Variants in GIMAP2 observed in about 807,000 individuals in gnomAD.
GIMAP2 encodes the protein GTPase IMAP family member 2.
A neutral mutation model predicts 25.5 loss-of-function variants in GIMAP2; 22 were observed. That is an observed-to-expected ratio of 0.86 (90% CI 0.62 to 1.23). The LOEUF is 1.23. Ranked by LOEUF, GIMAP2 falls within the 50% of genes most tolerant of loss-of-function variation. The probability of loss-of-function intolerance (pLI) is 0.00; values close to 1 mark genes in which losing one functional copy is unlikely to be tolerated. For missense variants in GIMAP2, 422 were observed against 395.7 expected (o/e 1.07, Z -0.56); for synonymous variants, 167 against 143.0 (o/e 1.17, Z -1.20).
Position 150,692,647 on chromosome 7 carries a change from C to G in GIMAP2, c.361C>G (p.Gln121Glu). ...GACTCAGCTGGGCCGCTATACCTCA[C>G]AGGACCAGCAGGCTGCACAGAGGGT... ...LVTQLGRYTS[Q>E]DQQAAQRVKE... is the part of the protein sequence containing the mutation. Residue 121 changes from glutamine to glutamate, a missense_variant, in exon 3 of 3, where the codon CAG becomes GAG. Transcript: ENST00000223293. 1 of 1,614,228 alleles carries G rather than the reference C, an allele frequency of 6.2e-7. No individual in the cohort carries two copies. The highest frequency in any genetic ancestry group is 8.5e-7 in the Non-Finnish European group (1 of 1,180,038).
At chr7:150,687,030 T>TTCTTG in intron 1 of GIMAP2, 22 bp from the exon 2 acceptor site, 1 of 1,569,250 alleles carries the variant, frequency 6.4e-7, no homozygotes, top group East Asian at 2.2e-5. Context: ...AAAAATAAGT[T>TTCTTG]TCTTGTCTCT....
chr7:150,689,833 A>T (rs894538351), intron 2 of GIMAP2: 2 of 367,040 alleles, frequency 5.4e-6, no homozygotes, highest in African/African-American at 2.1e-5. Flanking sequence ...AAAACTGGTT[A>T]CTTTTAATGG....
rs1279161012 is a variant in GIMAP2, at chr7:150,692,412, C to G, written c.126C>G (p.Ile42Met). Residue 42 changes from isoleucine to methionine, a missense_variant, in exon 3 of 3, where the codon ATC becomes ATG. Transcript: ENST00000223293. ...GTGKSAAGNS[I>M]LRKQAFESKL... The stretch of plus-strand genomic sequence containing the variant: ...GCAAAAGTGCTGCAGGGAACAGCAT[C>G]CTCAGGAAGCAAGCATTTGAATCGA... 1.2e-6 allele frequency: 2 copies of G among 1,614,078 alleles called. No individual in the cohort carries two copies. The highest frequency in any genetic ancestry group is 2.7e-5 in the African/African-American group (2 of 74,938).
chr7:150,687,292 A>C, intron 2 of GIMAP2: 1 of 348,346 alleles, frequency 2.9e-6, no homozygotes, highest in Non-Finnish European at 5.1e-6. Context: ...GTTTGTTTTG[A>C]GACAGTGTCT....
At position 150,692,958 on chromosome 7, in the gene GIMAP2, GTC is replaced by G; in HGVS notation, c.674_675del (p.Ser225Ter). Reference protein sequence around the residue: ...TNGLYSLIQRSKCGPVGSDER... With the variant: ...TNGLYSLIQRXKCGPVGSDER... ...ATGGGTTGTACAGCCTAATACAGAG[GTC>G]TAAATGTGGACCTGTGGGATCAGAT... is the stretch of plus-strand genomic sequence containing the variant. On this transcript the variant is annotated frameshift_variant, in exon 3 of 3. Transcript: ENST00000223293. LOFTEE classifies it high-confidence loss of function. The G allele has an allele frequency of 1.2e-6, 2 of 1,614,068 alleles. No individual in the cohort carries two copies. Among genetic ancestry groups the G allele is most frequent in the Non-Finnish European group, 1.7e-6 (2 of 1,179,910 alleles).
intron 2 of GIMAP2, among the ~76,000 whole-genome samples, chr7:150,691,401 C>A (rs1351980071): frequency 6.6e-6 from 1 of 152,188 alleles, no homozygotes; most frequent in Non-Finnish European, 1.5e-5. Context: ...AGAACCTTAC[C>A]CACGTTGAAG....
Position 150,693,499 on chromosome 7 carries a change from T to C in GIMAP2, c.*199T>C, listed in dbSNP as rs187211950. 1,274 of 453,328 alleles carry C rather than the reference T, an allele frequency of 2.8e-3. 1 individual carries two copies. The highest frequency in any genetic ancestry group is 4.0e-3 in the Non-Finnish European group (1,033 of 258,736). 28.1% of individuals were successfully genotyped at this position (453,328 alleles called of 1,614,324 possible). On this transcript the variant is annotated 3_prime_UTR_variant, in exon 3 of 3. Coordinates refer to ENST00000223293, the MANE Select transcript of GIMAP2 (RefSeq NM_015660.3). ...AATATAATATCAAAGCCTTTTGAAA[T>C]CTGTAAACATAAAATTCCTCTCATT...
Position 150,693,077 on chromosome 7 carries a change from G to A in GIMAP2, c.791G>A (p.Gly264Glu), listed in dbSNP as rs1796988263. The A allele has an allele frequency of 6.2e-7, 1 of 1,613,870 alleles. No individual in the cohort carries two copies. Among genetic ancestry groups the A allele is most frequent in the Non-Finnish European group, 8.5e-7 (1 of 1,179,880 alleles). The change falls in exon 3 of 3, where the codon GGA (glycine) becomes GAA (glutamate). Residue 264 changes from glycine to glutamate, a missense_variant. Physicochemically the swap from Gly to Glu is moderately conservative, Grantham distance 98. Coordinates refer to ENST00000223293, the MANE Select transcript of GIMAP2 (RefSeq NM_015660.3). ...TALAEANCLK[G>E]ALIKTQLCVL... is the part of the protein sequence containing the mutation. ...TTGGCTGAAGCAAACTGCCTAAAAG[G>A]AGCCTTAATCAAAACACAACTGTGT...
intron 1 of GIMAP2, among the ~76,000 whole-genome samples, chr7:150,686,761 T>G (rs989104117): frequency 6.6e-6 from 1 of 151,776 alleles, no homozygotes; most frequent in African/African-American, 2.4e-5. Flanking sequence ...CTGGCCAACA[T>G]GGTGAAACCC....
chr7:150,691,268 C>T (rs1165620656), intron 2 of GIMAP2, among the ~76,000 whole-genome samples: 1 of 152,176 alleles, frequency 6.6e-6, no homozygotes, highest in Non-Finnish European at 1.5e-5. Flanking sequence ...CTTATCACTG[C>T]CATGTGGACC....
intron 2 of GIMAP2, 171 bp downstream of exon 2, chr7:150,687,258 T>TTTTGTTTGTTTGTTTG (rs1378346398): frequency 1.6e-5 from 8 of 494,940 alleles, no homozygotes; most frequent in Admixed American, 6.9e-5. Context: ...TGGGGTTTTG[T>TTTTGTTTGTTTGTTTG]TTTCTTTGTT....
intron 1 of GIMAP2, 29 bp downstream of exon 1, chr7:150,685,814 A>C (rs1365300422): frequency 1.2e-6 from 1 of 848,478 alleles, no homozygotes; most frequent in African/African-American, 1.8e-5. Flanking sequence ...AAAGTTCTGC[A>C]GTGTTGATTT....
Position 150,689,403 on chromosome 7 carries a change from G to T in GIMAP2, c.28+2316G>T, listed in dbSNP as rs970647880. The T allele has an allele frequency of 2.9e-5, 19 of 660,542 alleles. No homozygotes were observed. In the African/African-American group the frequency reaches 3.2e-4, roughly 11 times the overall value. The allele number at this position is 660,542 out of a possible 1,614,324, so 40.9% of individuals were successfully genotyped here. A position where few individuals can be genotyped will look rare whatever the true frequency, so the allele number is the denominator to read the frequency against. ...TTCCCTATACCCTCCCCATGGGAGA[G>T]AATGAGGTAGCACTCCCTAGGAGGC... On this transcript the variant is annotated intron_variant, in intron 2 of 2. Coordinates refer to ENST00000223293, the MANE Select transcript of GIMAP2 (RefSeq NM_015660.3).
chr7:150,693,519 C>T lies in GIMAP2; in HGVS notation c.*219C>T, dbSNP rs1796993407. 2 of 427,906 alleles carry T rather than the reference C, an allele frequency of 4.7e-6. No homozygotes were observed. Among genetic ancestry groups the T allele is most frequent in the African/African-American group, 2.1e-5 (1 of 48,572 alleles). 26.5% of individuals were successfully genotyped at this position (427,906 alleles called of 1,614,324 possible). A position where few individuals can be genotyped will look rare whatever the true frequency, so the allele number is the denominator to read the frequency against. On this transcript the variant is annotated 3_prime_UTR_variant, in exon 3 of 3. Transcript: ENST00000223293. ...TGAAATCTGTAAACATAAAATTCCT[C>T]TCATTTTCAAATATCTAAAGCCAGT...
chr7:150,687,725 G>A (rs1480772092), intron 2 of GIMAP2, among the ~76,000 whole-genome samples: 1 of 151,820 alleles, frequency 6.6e-6, no homozygotes, highest in Non-Finnish European at 1.5e-5. Context: ...CTTTGTGTGT[G>A]TGTGTGTGTG....
chr7:150,688,320 AG>A (rs1306024806), intron 2 of GIMAP2, among the ~76,000 whole-genome samples: 5 of 152,042 alleles, frequency 3.3e-5, no homozygotes, highest in Non-Finnish European at 7.4e-5. Context: ...TAGTAGAGAC[AG>A]GGTTTCACCA....
chr7:150,688,634 T>C (rs868332517), intron 2 of GIMAP2, among the ~76,000 whole-genome samples: 2 of 152,146 alleles, frequency 1.3e-5, no homozygotes, highest in Non-Finnish European at 2.9e-5. Flanking sequence ...CCAAAAGTCC[T>C]CCTCTCCCTT....
In GIMAP2 at chr7:150,692,629, C is replaced by T. The variant is rs748115373; in HGVS notation, c.343C>T (p.Leu115=). ...GPHVLLLVTQ[L]GRYTSQDQQA... is the part of the protein sequence containing the mutation. ...CCATGTGCTGCTCCTGGTGACTCAG[C>T]TGGGCCGCTATACCTCACAGGACCA... Residue 115 remains leucine (L), a synonymous_variant, in exon 3 of 3, where the codon CTG becomes TTG. Transcript: ENST00000223293. 1 of 1,614,188 alleles carries T rather than the reference C, an allele frequency of 6.2e-7. No individual in the cohort carries two copies. The highest frequency in any genetic ancestry group is 8.5e-7 in the Non-Finnish European group (1 of 1,180,024).
chr7:150,686,968 G>GAAAAAAAA, intron 1 of GIMAP2, 84 bp from the exon 2 acceptor site: 1 of 747,730 alleles, frequency 1.3e-6, no homozygotes, highest in South Asian at 1.9e-5. Context: ...AAAAAAGAAA[G>GAAAAAAAA]AAAGAAAAAG....
Sources: allele counts gnomAD v4.1 joint callset (sites outside exome capture counted in the v4.1 genomes callset), GRCh38; gene constraint gnomAD v4.1.1; transcripts MANE v1.5; gene names NCBI Gene and HGNC (gene_info 2026-07-23, HGNC 2026-07-21).